The following KIF27 variants were observed in gnomAD, a reference collection of about 807,000 sequenced individuals.
KIF27 encodes kinesin-like protein KIF27.
Under a neutral mutation model 141.8 loss-of-function variants are expected in KIF27, and 84 were observed. The ratio of observed to expected loss-of-function variants is 0.59; its 90% confidence interval spans 0.50 to 0.71. The LOEUF is 0.71. Ranked by LOEUF, KIF27 falls within the 30% of genes least tolerant of loss-of-function variation. KIF27 has a pLI of 0.00. For missense variants in KIF27, 1,306 were observed against 1,628.4 expected (o/e 0.80, Z 3.41); for synonymous variants, 471 against 569.5 (o/e 0.83, Z 2.46).
chr9:83,884,680 A>G (rs1465085228), intron 9 of KIF27, among the ~76,000 whole-genome samples: 2 of 152,168 alleles, frequency 1.3e-5, no homozygotes, highest in Non-Finnish European at 2.9e-5. Context: ...AGTCATTATC[A>G]CACTAACAAT....
rs374690692 is a variant in KIF27, at chr9:83,903,604, G to A, written c.914C>T (p.Ser305Phe). 6.2e-7 allele frequency: 1 copy of A among 1,614,114 alleles called. No homozygotes were observed. ...DAKITRLLKD[S>F]LGGSAKTVMI... The stretch of plus-strand genomic sequence containing the variant: ...GACAGTCTTAGCACTGCCTCCCAGA[G>A]AATCTTTCAGAAGCCGGGTAATTTT... Residue 305 changes from serine to phenylalanine, a missense_variant, in exon 4 of 18, where the codon TCT becomes TTT. Ser to Phe is a radical substitution (Grantham distance 155, BLOSUM62 -2). Transcript: ENST00000297814.
intron 17 of KIF27, among the ~76,000 whole-genome samples, chr9:83,841,690 T>C (rs1946585942): frequency 6.6e-6 from 1 of 152,222 alleles, no homozygotes; most frequent in Admixed American, 6.5e-5. Context: ...ACCTTCATAG[T>C]ATTTTTTATT....
chr9:83,898,441 T>A (rs1239845659), intron 5 of KIF27, among the ~76,000 whole-genome samples: 3 of 152,016 alleles, frequency 2.0e-5, no homozygotes, highest in East Asian at 1.9e-4. Context: ...AGTAAAACCA[T>A]AAGAAAAGCA....
At chr9:83,908,970 A>T (rs1273967469) in intron 2 of KIF27, among the ~76,000 whole-genome samples, 1 of 152,166 alleles carries the variant, frequency 6.6e-6, no homozygotes, top group African/African-American at 2.4e-5. Flanking sequence ...AACAGTTTTC[A>T]CATGTATCCC....
At chr9:83,860,444 A>T (rs569968316) in intron 13 of KIF27, among the ~76,000 whole-genome samples, 11 of 152,108 alleles carry the variant, frequency 7.2e-5, no homozygotes, top group Middle Eastern at 3.4e-3. Flanking sequence ...CTACTTCCCA[A>T]CCTCCTCCAT....
intron 5 of KIF27, among the ~76,000 whole-genome samples, chr9:83,894,306 C>T (rs1468663699): frequency 2.0e-5 from 3 of 152,196 alleles, no homozygotes; most frequent in African/African-American, 7.2e-5. Context: ...ATAGGACAAA[C>T]TTACTGACAA....
Position 83,859,514 on chromosome 9 carries a change from G to T in KIF27, c.2935-143C>A, listed in dbSNP as rs1269151636. Reference sequence around the variant, plus strand: ...ATTGTTTTCTCCCATGGATTTTTTTGAGGGAGGGGGTATTCATTTTCTTTT... The same window carrying T: ...ATTGTTTTCTCCCATGGATTTTTTTTAGGGAGGGGGTATTCATTTTCTTTT... On this transcript the variant is annotated intron_variant, in intron 13 of 17. Transcript: ENST00000297814. 6.5e-6 allele frequency: 4 copies of T among 616,924 alleles called. No individual in the cohort carries two copies. In the Admixed American group the frequency reaches 1.2e-4, roughly 18 times the overall value. 38.2% of individuals were successfully genotyped at this position (616,924 alleles called of 1,614,324 possible).
In KIF27 at chr9:83,903,483, G is replaced by A; in HGVS notation, c.1035C>T (p.Pro345=). 2 of 1,614,106 alleles carry A rather than the reference G, an allele frequency of 1.2e-6. No homozygotes were observed. The highest frequency in any genetic ancestry group is 1.7e-6 in the Non-Finnish European group (2 of 1,180,012). The change falls in exon 4 of 18, where the codon CCC becomes CCT. Residue 345 remains proline, a synonymous_variant. Coordinates refer to ENST00000297814, the MANE Select transcript of KIF27 (RefSeq NM_017576.4). The part of the protein sequence containing the change: ...ANRARNIRNK[P]TVNFSPESDR... ...CTGACTCGGGGCTGAAGTTTACAGT[G>A]GGTTTGTTTCTAATGTTCCGTGCTC... is the stretch of plus-strand genomic sequence containing the variant.
chr9:83,880,407 C>T lies in KIF27; in HGVS notation c.2533G>A (p.Val845Ile), dbSNP rs771377650. ...EKRANELEQS[V>I]DHMKYQKIQL... ...ATCTTTTGATATTTCATGTGATCTA[C>T]ACTCTGCTCTAGCTCATTAGCACGT... Residue 845 changes from valine (V) to isoleucine (I), a missense_variant, in exon 11 of 18, where the codon GTA (valine) becomes ATA (isoleucine). By Grantham distance (29) the Val-to-Ile change is conservative. Around this residue, in one of 4 missense-constraint regions of KIF27, gnomAD observed 596 missense variants for 751.6 expected, o/e 0.79. Coordinates refer to ENST00000297814, the MANE Select transcript of KIF27 (RefSeq NM_017576.4). 10 of 1,613,498 alleles carry T rather than the reference C, an allele frequency of 6.2e-6. No individual in the cohort carries two copies. The highest frequency in any genetic ancestry group is 8.5e-6 in the Non-Finnish European group (10 of 1,179,802).
chr9:83,856,856 G>A (rs554270124), intron 14 of KIF27, among the ~76,000 whole-genome samples: 21 of 147,932 alleles, frequency 1.4e-4, no homozygotes, highest in Admixed American at 4.1e-4. Flanking sequence ...GCAGTGAGCC[G>A]AGATCGCACC....
At chr9:83,842,108 A>T in intron 17 of KIF27, 129 bp downstream of exon 17, 2 of 1,118,048 alleles carry the variant, frequency 1.8e-6, no homozygotes, top group Non-Finnish European at 2.4e-6. Flanking sequence ...ATTTTTGTTT[A>T]CAGAGACAAA....
chr9:83,905,701 T>G (rs1337946802), intron 3 of KIF27, among the ~76,000 whole-genome samples: 1 of 152,228 alleles, frequency 6.6e-6, no homozygotes, highest in Non-Finnish European at 1.5e-5. Flanking sequence ...CGAATCCAGA[T>G]GCAAATCACC....
chr9:83,882,970 G>A (rs1272314791), intron 10 of KIF27, among the ~76,000 whole-genome samples: 1 of 152,028 alleles, frequency 6.6e-6, no homozygotes, highest in African/African-American at 2.4e-5. Flanking sequence ...GACTTTTCAG[G>A]CCTGTCACAC....
In KIF27 at chr9:83,867,477, A is replaced by G. The variant is rs116176121; in HGVS notation, c.2934+207T>C. Among the ~76,000 whole-genome samples the G allele has an allele frequency of 6.3e-3, 870 of 138,532 alleles. 9 individuals carry two copies. The highest frequency in any genetic ancestry group is 0.023 in the African/African-American group (825 of 36,574). The allele number at this position is 138,532 out of a possible 152,430, so 90.9% of individuals were successfully genotyped here. ...GAGTGAGATTACTGGGTCACATAGT[A>G]TCCGTAAGTTTAGCCTTTTGAGGAA... On this transcript the variant is annotated intron_variant, in intron 13 of 17. Coordinates refer to ENST00000297814, the MANE Select transcript of KIF27 (RefSeq NM_017576.4).
intron 14 of KIF27, among the ~76,000 whole-genome samples, 161 bp from the exon 15 acceptor site, chr9:83,853,996 A>C (rs1382723414): frequency 6.6e-6 from 1 of 152,256 alleles, no homozygotes; most frequent in Non-Finnish European, 1.5e-5. Flanking sequence ...CACATAATGC[A>C]GTGTGTGTAT....
intron 16 of KIF27, chr9:83,848,957 TG>T (rs1386438402): frequency 6.6e-6 from 1 of 152,084 alleles, no homozygotes; most frequent in Non-Finnish European, 1.5e-5. Context: ...GGACTACAGG[TG>T]TGTGCCACCA....
intron 13 of KIF27, among the ~76,000 whole-genome samples, chr9:83,862,201 T>C (rs1195236829): frequency 1.3e-5 from 2 of 152,120 alleles, no homozygotes; most frequent in Non-Finnish European, 2.9e-5. Flanking sequence ...TTGTCAATTT[T>C]GGCTTTTGTT....
At chr9:83,912,313 T>C (rs1203553385) in intron 2 of KIF27, among the ~76,000 whole-genome samples, 1 of 152,208 alleles carries the variant, frequency 6.6e-6, no homozygotes, top group Non-Finnish European at 1.5e-5. Flanking sequence ...GTTCTGAAAA[T>C]CCGAGTTTCC....
chr9:83,887,979 T>G (rs574509694), intron 8 of KIF27, among the ~76,000 whole-genome samples: 3 of 142,318 alleles, frequency 2.1e-5, no homozygotes, highest in Non-Finnish European at 4.5e-5. Flanking sequence ...GAGAGATGAG[T>G]TAACAAAATC....
Sources: allele counts gnomAD v4.1 joint callset (sites outside exome capture counted in the v4.1 genomes callset), GRCh38; gene constraint gnomAD v4.1.1; regional missense constraint gnomAD v4.1.1; transcripts MANE v1.5; gene names NCBI Gene and HGNC (gene_info 2026-07-23, HGNC 2026-07-21).